The following PPFIA2 variants were observed in gnomAD, a reference collection of about 807,000 sequenced individuals.
PPFIA2 encodes PPFI scaffold protein A2.
PPFIA2 carries 46 observed loss-of-function variants against 175.5 expected under a neutral mutation model. The ratio of observed to expected loss-of-function variants is 0.26; its 90% CI spans 0.21 to 0.34. PPFIA2 has a LOEUF of 0.34. PPFIA2 is among the 10% of genes least tolerant of loss of function. PPFIA2 has a pLI of 1.00. For missense variants in PPFIA2, 1,179 were observed against 1,506.1 expected (o/e 0.78, Z 3.60); for synonymous variants, 568 against 511.4 (o/e 1.11, Z -1.49).
chr12:81,335,998 T>C (rs774607087), intron 21 of PPFIA2, among the ~76,000 whole-genome samples: 1 of 152,176 alleles, frequency 6.6e-6, no homozygotes, highest in Non-Finnish European at 1.5e-5. Context: ...CTGATTCATT[T>C]GAGTCTACAT....
chr12:81,361,070 G>A (rs1436152458), intron 15 of PPFIA2, among the ~76,000 whole-genome samples: 1 of 151,554 alleles, frequency 6.6e-6, no homozygotes, highest in Non-Finnish European at 1.5e-5. Flanking sequence ...ACTACAATCT[G>A]TTGATCAAAG....
At chr12:81,338,878 A>G (rs2057558866) in intron 21 of PPFIA2, among the ~76,000 whole-genome samples, 1 of 152,128 alleles carries the variant, frequency 6.6e-6, no homozygotes, top group Non-Finnish European at 1.5e-5. Flanking sequence ...TAAGGTTTAT[A>G]CCACTAGCAT....
At chr12:81,684,013 A>T (rs985001730) in intron 3 of PPFIA2, among the ~76,000 whole-genome samples, 45 of 152,214 alleles carry the variant, frequency 3.0e-4, no homozygotes, top group African/African-American at 1.1e-3. Context: ...TAATCTATTC[A>T]TGAGGGATCT....
intron 3 of PPFIA2, among the ~76,000 whole-genome samples, chr12:81,742,423 C>T (rs2153655269): frequency 6.6e-6 from 1 of 152,250 alleles, no homozygotes; most frequent in South Asian, 2.1e-4. Flanking sequence ...CAATTCTGCA[C>T]ATACTTTGCA....
At chr12:81,648,519 C>T (rs1023933995) in intron 4 of PPFIA2, among the ~76,000 whole-genome samples, 1 of 151,508 alleles carries the variant, frequency 6.6e-6, no homozygotes. Flanking sequence ...GAGGATATTC[C>T]ATATTCATGG....
At chr12:81,283,472 C>T (rs926019593) in intron 25 of PPFIA2, among the ~76,000 whole-genome samples, 1 of 151,832 alleles carries the variant, frequency 6.6e-6, no homozygotes, top group Non-Finnish European at 1.5e-5. Flanking sequence ...ATAATCAAAT[C>T]GATTTCAACA....
chr12:81,283,833 T>C (rs937966892), intron 25 of PPFIA2, among the ~76,000 whole-genome samples: 1 of 152,048 alleles, frequency 6.6e-6, no homozygotes, highest in Non-Finnish European at 1.5e-5. Flanking sequence ...GTATCTAAGA[T>C]GGTAAAGCAC....
At chr12:81,544,237 TAG>T (rs1463720719) in intron 4 of PPFIA2, among the ~76,000 whole-genome samples, 14 of 152,164 alleles carry the variant, frequency 9.2e-5, no homozygotes, top group Admixed American at 7.2e-4. Flanking sequence ...TATTAAAAAA[TAG>T]ATCTTTATTT....
At chr12:81,699,138 C>A (rs750689461) in intron 3 of PPFIA2, among the ~76,000 whole-genome samples, 2 of 152,044 alleles carry the variant, frequency 1.3e-5, no homozygotes, top group Admixed American at 6.6e-5. Context: ...TAAGAAATTA[C>A]TAAAGGAGAT....
In PPFIA2 at chr12:81,754,027, A is replaced by C. The variant is rs1597241628; in HGVS notation, c.195T>G (p.Asp65Glu). The change falls in exon 3 of 33, where the codon GAT becomes GAG. Residue 65 changes from aspartate to glutamate, a missense_variant. Physicochemically the swap from Asp to Glu is conservative, Grantham distance 45. This residue lies in a region of PPFIA2 where 128 missense variants were observed against 141.4 expected (regional missense o/e 0.91). Transcript: ENST00000549396. The part of the protein sequence containing the change: ...SLSLAQQRLQ[D>E]VIYDRDSLQR... ...GGAGTGAGTCTCGGTCATAGATGAC[A>C]TCCTGAAGTCTTTGCTGGGCAAGTG... 1.2e-6 allele frequency: 2 copies of C among 1,613,954 alleles called. No individual in the cohort carries two copies. Among genetic ancestry groups the C allele is most frequent in the East Asian group, 4.5e-5 (2 of 44,858 alleles).
chr12:81,308,806 A>C (rs2049992506), intron 22 of PPFIA2, among the ~76,000 whole-genome samples: 1 of 152,142 alleles, frequency 6.6e-6, no homozygotes, highest in African/African-American at 2.4e-5. Flanking sequence ...GGCCAGAGAA[A>C]AGTTAGCCTA....
At chr12:81,453,487 A>T (rs903614806) in intron 5 of PPFIA2, among the ~76,000 whole-genome samples, 1 of 152,140 alleles carries the variant, frequency 6.6e-6, no homozygotes, top group Non-Finnish European at 1.5e-5. Flanking sequence ...ATTATTTTCT[A>T]TAAATATAAC....
chr12:81,529,547 G>C (rs1012761152), intron 4 of PPFIA2, among the ~76,000 whole-genome samples: 1 of 134,454 alleles, frequency 7.4e-6, no homozygotes, highest in East Asian at 2.3e-4. Context: ...AGAGTGGCGG[G>C]GGGGCAGTGG....
intron 4 of PPFIA2, among the ~76,000 whole-genome samples, chr12:81,473,282 G>A (rs1010335692): frequency 5.3e-5 from 8 of 152,058 alleles, no homozygotes; most frequent in African/African-American, 1.4e-4. Flanking sequence ...ATGTGGGGGC[G>A]CCTGTAATCT....
intron 4 of PPFIA2, among the ~76,000 whole-genome samples, chr12:81,648,392 T>G (rs1465829727): frequency 2.0e-5 from 3 of 152,114 alleles, no homozygotes; most frequent in Non-Finnish European, 4.4e-5. Flanking sequence ...ACAGTAAGAT[T>G]GCATGATACA....
chr12:81,309,872 C>A (rs1428002279), intron 22 of PPFIA2, among the ~76,000 whole-genome samples: 3 of 152,060 alleles, frequency 2.0e-5, no homozygotes, highest in African/African-American at 7.2e-5. Flanking sequence ...CTGACACACA[C>A]ACACATACAC....
intron 4 of PPFIA2, among the ~76,000 whole-genome samples, chr12:81,615,462 T>C (rs897494688): frequency 4.6e-5 from 7 of 152,174 alleles, no homozygotes; most frequent in Admixed American, 3.3e-4. Context: ...TGGTCCAAGC[T>C]GGAGGCCCTA....
At chr12:81,330,752 T>C (rs1442098714) in intron 21 of PPFIA2, among the ~76,000 whole-genome samples, 1 of 152,226 alleles carries the variant, frequency 6.6e-6, no homozygotes, top group East Asian at 1.9e-4. Context: ...GCTTCATCTT[T>C]CTTTCAGTAG....
At chr12:81,517,632 G>T (rs1193232972) in intron 4 of PPFIA2, among the ~76,000 whole-genome samples, 1 of 152,144 alleles carries the variant, frequency 6.6e-6, no homozygotes, top group African/African-American at 2.4e-5. Context: ...CTAGTTGCAA[G>T]AGAATCTTGA....
Sources: gnomAD v4.1 joint callset for allele counts (sites outside exome capture counted in the v4.1 genomes callset) on GRCh38, gnomAD v4.1.1 for gene constraint, gnomAD v4.1.1 regional missense constraint, MANE v1.5 for transcripts, NCBI Gene and HGNC (gene_info 2026-07-23, HGNC 2026-07-21) for gene names.